Variants in CSMD1 observed in about 807,000 individuals in gnomAD.
CSMD1 encodes the protein CUB and Sushi multiple domains 1, also known as CUB and sushi domain-containing protein 1.
A neutral mutation model predicts 417.5 loss-of-function variants in CSMD1; 213 were observed. The ratio of observed to expected loss-of-function variants is 0.51; its 90% CI spans 0.46 to 0.57. The LOEUF is 0.57. Among genes scored for constraint, CSMD1 ranks in the 20% least tolerant of loss-of-function variants. CSMD1 has a pLI of 0.00. For synonymous variants in CSMD1, 2,862 were observed against 1,736.8 expected, an observed-to-expected ratio of 1.65 and a Z score of -16.11; for missense variants, 6,923 against 4,529.7, an observed-to-expected ratio of 1.53 and a Z score of -15.17.
intron 21 of CSMD1, among the ~76,000 whole-genome samples, chr8:3,350,547 A>C (rs1808349594): frequency 6.6e-6 from 1 of 152,194 alleles, no homozygotes; most frequent in Admixed American, 6.5e-5. Context: ...CATGTACTTT[A>C]AAATTAATAA....
chr8:3,746,176 C>A (rs959084435), intron 6 of CSMD1, among the ~76,000 whole-genome samples: 6 of 152,190 alleles, frequency 3.9e-5, no homozygotes, highest in Non-Finnish European at 7.3e-5. Context: ...GGCTGATACG[C>A]TGAAAAGAAT....
chr8:3,990,801 A>T (rs1018780101), intron 5 of CSMD1, among the ~76,000 whole-genome samples: 1 of 152,114 alleles, frequency 6.6e-6, no homozygotes, highest in South Asian at 2.1e-4. Context: ...AGGGGAGGGC[A>T]GGAAATAATT....
chr8:3,268,289 A>G (rs6980666), intron 26 of CSMD1, among the ~76,000 whole-genome samples: 1 of 84,272 alleles, frequency 1.2e-5, no homozygotes, highest in East Asian at 3.5e-4. Context: ...TTCATTTCCT[A>G]TTTTTTTTTT....
At chr8:3,676,954 G>A (rs1180746808) in intron 7 of CSMD1, among the ~76,000 whole-genome samples, 1 of 151,900 alleles carries the variant, frequency 6.6e-6, no homozygotes, top group Non-Finnish European at 1.5e-5. Context: ...GTTAAACAAT[G>A]ACAACACAAG....
intron 1 of CSMD1, among the ~76,000 whole-genome samples, chr8:4,819,135 A>T (rs930104582): frequency 2.6e-5 from 4 of 152,202 alleles, no homozygotes; most frequent in Non-Finnish European, 5.9e-5. Context: ...CAGGCAGCTC[A>T]TGCGTCCTTC....
At chr8:4,250,589 C>A (rs73498586) in intron 3 of CSMD1, among the ~76,000 whole-genome samples, 2 of 151,940 alleles carry the variant, frequency 1.3e-5, no homozygotes, top group African/African-American at 4.8e-5. Context: ...AACTCATGTA[C>A]GATTATAATT....
chr8:3,533,026 T>G (rs1167758144), intron 10 of CSMD1, among the ~76,000 whole-genome samples: 4 of 152,184 alleles, frequency 2.6e-5, no homozygotes. Flanking sequence ...ATAATGTGTT[T>G]TAAGGGCAAA....
intron 5 of CSMD1, among the ~76,000 whole-genome samples, chr8:3,780,922 C>T (rs1050279067): frequency 2.0e-5 from 3 of 152,118 alleles, no homozygotes; most frequent in Non-Finnish European, 2.9e-5. Flanking sequence ...TAGGTAAGAC[C>T]ATGGCTTTCT....
At chr8:4,784,349 C>A (rs1404505218) in intron 1 of CSMD1, among the ~76,000 whole-genome samples, 1 of 152,156 alleles carries the variant, frequency 6.6e-6, no homozygotes, top group Non-Finnish European at 1.5e-5. Flanking sequence ...GGAAAATTCC[C>A]CCTGCAGGGT....
chr8:4,049,409 G>A (rs1173572168), intron 3 of CSMD1, among the ~76,000 whole-genome samples: 1 of 151,454 alleles, frequency 6.6e-6, no homozygotes, highest in Non-Finnish European at 1.5e-5. Flanking sequence ...CATCTGCGGA[G>A]AAAAATTACC....
intron 21 of CSMD1, among the ~76,000 whole-genome samples, chr8:3,351,650 G>C (rs1342584882): frequency 1.3e-5 from 2 of 148,472 alleles, no homozygotes. Context: ...AACTTGGCTT[G>C]TTAACTAGAA....
chr8:3,693,938 C>A (rs1482616555), intron 7 of CSMD1, among the ~76,000 whole-genome samples: 1 of 144,780 alleles, frequency 6.9e-6, no homozygotes, highest in Non-Finnish European at 1.5e-5. Context: ...ATGGTGTGTG[C>A]GTCGTGTGTT....
chr8:4,702,728 T>C lies in CSMD1; in HGVS notation c.86-65170A>G, dbSNP rs192661449. Among the ~76,000 whole-genome samples the C allele has an allele frequency of 9.3e-4, 142 of 152,148 alleles. No homozygotes were observed. The Middle Eastern group carries it at 0.02, about 22-fold the overall frequency. ...AGTACAAAAATTCTACCGTGTAGAG[T>C]TTCTTGTCTATTCTGTGGAAGGAAA... On this transcript the variant is annotated intron_variant, in intron 1 of 69. Coordinates refer to ENST00000635120, the MANE Select transcript of CSMD1 (RefSeq NM_033225.6).
At chr8:4,750,446 G>A (rs931772302) in intron 1 of CSMD1, among the ~76,000 whole-genome samples, 2 of 152,052 alleles carry the variant, frequency 1.3e-5, no homozygotes, top group South Asian at 2.1e-4. Context: ...AGAAAACCTT[G>A]GATTAAATAA....
intron 5 of CSMD1, among the ~76,000 whole-genome samples, chr8:3,984,333 C>T (rs2627438): frequency 0.24 from 37,093 of 152,022 alleles, 4,737 homozygotes; most frequent in Admixed American, 0.34. Context: ...CGATCCACTG[C>T]CAAAAGAAAA....
At chr8:4,969,290 G>A (rs1376752963) in intron 1 of CSMD1, among the ~76,000 whole-genome samples, 1 of 151,828 alleles carries the variant, frequency 6.6e-6, no homozygotes, top group African/African-American at 2.4e-5. Context: ...ATTTGCTAGG[G>A]CAAAATATTT....
intron 2 of CSMD1, among the ~76,000 whole-genome samples, chr8:4,624,163 A>C (rs1801957580): frequency 6.6e-6 from 1 of 152,106 alleles, no homozygotes; most frequent in Non-Finnish European, 1.5e-5. Flanking sequence ...GTTTGCAGTA[A>C]AACTTGGCAA....
At chr8:4,009,108 G>C (rs957500466) in intron 4 of CSMD1, among the ~76,000 whole-genome samples, 5 of 152,114 alleles carry the variant, frequency 3.3e-5, no homozygotes, top group African/African-American at 9.7e-5. Context: ...GTTAAAAAAT[G>C]GTTGAACACC....
intron 1 of CSMD1, among the ~76,000 whole-genome samples, chr8:4,750,157 C>T (rs930535721): frequency 2.0e-5 from 3 of 152,136 alleles, no homozygotes; most frequent in Admixed American, 1.3e-4. Flanking sequence ...AGGCGCCCGC[C>T]ACCACGCCCG....
Sources: allele counts gnomAD v4.1 joint callset (sites outside exome capture counted in the v4.1 genomes callset), GRCh38; gene constraint gnomAD v4.1.1; transcripts MANE v1.5; gene names NCBI Gene and HGNC (gene_info 2026-07-23, HGNC 2026-07-21).